The following RNF150 variants were observed in gnomAD, a reference collection of about 807,000 sequenced individuals.
The protein encoded by RNF150 is ring finger protein 150.
A neutral mutation model predicts 39.3 loss-of-function variants in RNF150; 24 were observed. That is an observed-to-expected ratio of 0.61 (90% confidence interval 0.44 to 0.86). The LOEUF is 0.86. RNF150 is among the 40% of genes least tolerant of loss of function. The pLI is 0.00. For missense variants in RNF150, 502 were observed against 587.8 expected (o/e 0.85, Z 1.51); for synonymous variants, 255 against 227.3 (o/e 1.12, Z -1.10).
rs1560679562 is a variant in RNF150, at chr4:141,000,081, AAGAAGG to A, written c.485-32214_485-32209del. ...GAAGAAGAAGAAGAAGAAGAAGAAGAAGAAGGAGAAGAAGAAGAAGAAGAAGAGGAG... is the reference window on the plus strand; with the variant it reads ...GAAGAAGAAGAAGAAGAAGAAGAAGAAGAAGAAGAAGAAGAAGAAGAGGAG... On this transcript the variant is annotated intron_variant, in intron 1 of 6. Coordinates refer to ENST00000515673, the MANE Select transcript of RNF150 (RefSeq NM_020724.2). Among the ~76,000 whole-genome samples, 430 of 75,420 alleles carry A rather than the reference AAGAAGG, an allele frequency of 5.7e-3. 52 individuals are homozygous for A. Among genetic ancestry groups the A allele is most frequent in the East Asian group, 0.015 (27 of 1,810 alleles). 49.5% of individuals were successfully genotyped at this position (75,420 alleles called of 152,430 possible). A position where few individuals can be genotyped will look rare whatever the true frequency, so the allele number is the denominator to read the frequency against.
intron 1 of RNF150, among the ~76,000 whole-genome samples, chr4:141,209,345 G>T (rs1190992028): frequency 6.6e-6 from 1 of 152,110 alleles, no homozygotes; most frequent in Non-Finnish European, 1.5e-5. Flanking sequence ...TCTGCATGTT[G>T]TTATAGTTCA....
At chr4:141,021,190 G>A (rs191486592) in intron 1 of RNF150, among the ~76,000 whole-genome samples, 1 of 152,226 alleles carries the variant, frequency 6.6e-6, no homozygotes, top group East Asian at 1.9e-4. Flanking sequence ...GGTAGAGGCT[G>A]AGGAACCCAA....
At chr4:141,099,080 T>C (rs1311686564) in intron 1 of RNF150, among the ~76,000 whole-genome samples, 1 of 152,202 alleles carries the variant, frequency 6.6e-6, no homozygotes, top group African/African-American at 2.4e-5. Flanking sequence ...TCTTATATAG[T>C]TATACTGAAA....
intron 1 of RNF150, among the ~76,000 whole-genome samples, chr4:141,033,813 A>G (rs1736041958): frequency 6.6e-6 from 1 of 152,242 alleles, no homozygotes; most frequent in South Asian, 2.1e-4. Flanking sequence ...TCTGAGTGGT[A>G]GATCTCAACA....
chr4:140,898,952 A>T (rs1730070559), intron 6 of RNF150, among the ~76,000 whole-genome samples: 1 of 152,184 alleles, frequency 6.6e-6, no homozygotes, highest in South Asian at 2.1e-4. Context: ...TGACAAAAAA[A>T]TTTTGATGGA....
chr4:141,059,157 C>T (rs571785724), intron 1 of RNF150, among the ~76,000 whole-genome samples: 1 of 152,276 alleles, frequency 6.6e-6, no homozygotes, highest in Admixed American at 6.5e-5. Flanking sequence ...AAGATGGGCT[C>T]CAAAGTCTTT....
At chr4:141,038,616 G>A (rs1177722409) in intron 1 of RNF150, among the ~76,000 whole-genome samples, 1 of 152,040 alleles carries the variant, frequency 6.6e-6, no homozygotes, top group Non-Finnish European at 1.5e-5. Context: ...GGTTGAGTAT[G>A]GGAGGTCAAG....
At chr4:141,147,236 T>C (rs1048629844) in intron 1 of RNF150, among the ~76,000 whole-genome samples, 1 of 152,254 alleles carries the variant, frequency 6.6e-6, no homozygotes, top group African/African-American at 2.4e-5. Flanking sequence ...TTTCAGGGAC[T>C]GAACAAAAGT....
intron 1 of RNF150, among the ~76,000 whole-genome samples, chr4:141,019,133 G>A (rs1295887224): frequency 6.7e-6 from 1 of 148,208 alleles, no homozygotes; most frequent in Non-Finnish European, 1.5e-5. Context: ...TGAATAAAAT[G>A]AGCTCAGAAT....
intron 2 of RNF150, among the ~76,000 whole-genome samples, chr4:140,958,059 C>G (rs952508743): frequency 6.6e-6 from 1 of 151,830 alleles, no homozygotes. Flanking sequence ...AAAAAAATAA[C>G]AAAAATAATA....
chr4:141,152,269 G>A (rs1258741028), intron 1 of RNF150, among the ~76,000 whole-genome samples: 1 of 152,118 alleles, frequency 6.6e-6, no homozygotes, highest in East Asian at 1.9e-4. Context: ...CCTGAAGGGT[G>A]GATTGAACAC....
intron 1 of RNF150, among the ~76,000 whole-genome samples, chr4:141,171,456 CAGAAAGAGAGAG>C (rs1727720356): frequency 1.1e-5 from 1 of 87,994 alleles, no homozygotes; most frequent in African/African-American, 4.9e-5. Context: ...GAGAGACAGA[CAGAAAGAGAGAG>C]AGAGAGAGAG....
chr4:140,939,378 A>G (rs1201850534), intron 4 of RNF150, among the ~76,000 whole-genome samples: 1 of 152,218 alleles, frequency 6.6e-6, no homozygotes, highest in Non-Finnish European at 1.5e-5. Context: ...AATATATTCT[A>G]TGTCCCAAAT....
intron 1 of RNF150, among the ~76,000 whole-genome samples, chr4:140,994,043 C>G (rs142512777): frequency 6.6e-6 from 1 of 152,320 alleles, no homozygotes; most frequent in African/African-American, 2.4e-5. Context: ...GAATATACAG[C>G]TTTCCAAATA....
chr4:141,157,683 T>A (rs1727436869), intron 1 of RNF150, among the ~76,000 whole-genome samples: 1 of 124,764 alleles, frequency 8.0e-6, no homozygotes, highest in African/African-American at 2.5e-5. Context: ...TTTATTATCA[T>A]GTTTAAAAAA....
At chr4:141,003,245 A>G (rs889117292) in intron 1 of RNF150, among the ~76,000 whole-genome samples, 2 of 152,152 alleles carry the variant, frequency 1.3e-5, no homozygotes, top group African/African-American at 4.8e-5. Context: ...CAGTACTACA[A>G]TGTGTGCTAG....
At chr4:141,065,351 T>C (rs1737412217) in intron 1 of RNF150, among the ~76,000 whole-genome samples, 1 of 152,136 alleles carries the variant, frequency 6.6e-6, no homozygotes, top group Non-Finnish European at 1.5e-5. Context: ...ATGTACAATA[T>C]GAAGGAATTT....
chr4:140,988,645 C>T (rs1164482728), intron 1 of RNF150, among the ~76,000 whole-genome samples: 2 of 150,500 alleles, frequency 1.3e-5, no homozygotes, highest in African/African-American at 2.4e-5. Context: ...CCCTTCCCCC[C>T]ACCCCAAGTA....
At chr4:140,922,341 G>C (rs544451159) in intron 5 of RNF150, among the ~76,000 whole-genome samples, 1 of 150,034 alleles carries the variant, frequency 6.7e-6, no homozygotes, top group African/African-American at 2.5e-5. Context: ...AAACAGAGAG[G>C]CAAATCATGA....
Sources: allele counts gnomAD v4.1 joint callset (sites outside exome capture counted in the v4.1 genomes callset), GRCh38; gene constraint gnomAD v4.1.1; transcripts MANE v1.5; gene names NCBI Gene and HGNC (gene_info 2026-07-23, HGNC 2026-07-21).